Variants in CCNT2 observed in about 807,000 individuals in gnomAD.
CCNT2 encodes cyclin T2.
A neutral mutation model predicts 70.0 loss-of-function variants in CCNT2; 18 were observed. The ratio of observed to expected loss-of-function variants is 0.26; its 90% CI spans 0.18 to 0.38. The LOEUF is 0.38. CCNT2 is among the 10% of genes least tolerant of loss of function. CCNT2 has a pLI of 1.00. For synonymous variants in CCNT2, 334 were observed against 313.3 expected, an observed-to-expected ratio of 1.07 and a Z score of -0.70; for missense variants, 734 against 890.2, an observed-to-expected ratio of 0.82 and a Z score of 2.23.
At chr2:134,919,137 A>G in intron 1 of CCNT2, 125 bp downstream of exon 1, 1 of 1,132,296 alleles carries the variant, frequency 8.8e-7, no homozygotes. Context: ...CGGTCAGGGA[A>G]GTAATGTTCC....
chr2:134,927,140 T>C (rs923091032), intron 2 of CCNT2, among the ~76,000 whole-genome samples: 1 of 152,228 alleles, frequency 6.6e-6, no homozygotes. Context: ...TATTTTTGAT[T>C]GATTTTCTCA....
At chr2:134,936,257 G>A (rs1228334404) in intron 2 of CCNT2, among the ~76,000 whole-genome samples, 2 of 149,062 alleles carry the variant, frequency 1.3e-5, no homozygotes, top group Non-Finnish European at 3.0e-5. Flanking sequence ...AGCATTTTTA[G>A]TATGTTCAGT....
chr2:134,925,167 C>T (rs568099150), intron 2 of CCNT2, among the ~76,000 whole-genome samples: 32 of 152,296 alleles, frequency 2.1e-4, no homozygotes, highest in African/African-American at 7.0e-4. Flanking sequence ...TATTCAATGC[C>T]TGGGTCCTTT....
intron 2 of CCNT2, among the ~76,000 whole-genome samples, chr2:134,922,388 T>C (rs1348968584): frequency 6.6e-6 from 1 of 152,188 alleles, no homozygotes; most frequent in Non-Finnish European, 1.5e-5. Context: ...TATTAAAAGT[T>C]TTAAAACCCC....
intron 3 of CCNT2, among the ~76,000 whole-genome samples, chr2:134,937,640 G>A (rs1163296502): frequency 6.6e-6 from 1 of 152,182 alleles, no homozygotes; most frequent in African/African-American, 2.4e-5. Context: ...TTTCGGCCAG[G>A]CACAGTGGCT....
intron 8 of CCNT2, 73 bp from the exon 9 acceptor site, chr2:134,953,157 C>A: frequency 9.3e-7 from 1 of 1,075,430 alleles, no homozygotes; most frequent in Non-Finnish European, 1.3e-6. Context: ...TAATATATAA[C>A]TTTTATAAGA....
chr2:134,921,326 A>G (rs1679885967), intron 2 of CCNT2, among the ~76,000 whole-genome samples: 1 of 151,720 alleles, frequency 6.6e-6, no homozygotes. Flanking sequence ...TGATCTAGCC[A>G]CAAGTCTTCA....
intron 2 of CCNT2, among the ~76,000 whole-genome samples, chr2:134,921,827 T>C (rs534454014): frequency 2.0e-5 from 3 of 152,344 alleles, no homozygotes; most frequent in African/African-American, 7.2e-5. Flanking sequence ...GGCCAAGGTA[T>C]TAATTTTTTA....
At position 134,957,848 on chromosome 2, in the gene CCNT2, T is replaced by C. The variant is rs1430676913; in HGVS notation, c.*3200T>C. The C allele has an allele frequency of 6.6e-6, 1 of 152,072 alleles. No individual in the cohort carries two copies. Among genetic ancestry groups the C allele is most frequent in the East Asian group, 1.9e-4 (1 of 5,178 alleles). 9.4% of individuals were successfully genotyped at this position (152,072 alleles called of 1,614,324 possible). A position where few individuals can be genotyped will look rare whatever the true frequency, so the allele number is the denominator to read the frequency against. ...CTAACATGATGTATGGTTTCTTGAA[T>C]GTCATGAGTGGCTGCGTATATTGCT... On this transcript the variant is annotated 3_prime_UTR_variant, in exon 9 of 9. Transcript: ENST00000264157.
intron 2 of CCNT2, among the ~76,000 whole-genome samples, chr2:134,921,478 T>A (rs560505213): frequency 1.3e-5 from 2 of 152,232 alleles, no homozygotes; most frequent in East Asian, 1.9e-4. Flanking sequence ...CTCAGCCTCC[T>A]GAGTAGCTGG....
chr2:134,937,974 G>A (rs1013903109), intron 3 of CCNT2, among the ~76,000 whole-genome samples: 3 of 152,048 alleles, frequency 2.0e-5, no homozygotes, highest in African/African-American at 7.2e-5. Flanking sequence ...TTTACCCATT[G>A]AATGACTAAC....
chr2:134,920,055 A>T (rs1235089822), intron 2 of CCNT2, 164 bp downstream of exon 2: 4 of 528,136 alleles, frequency 7.6e-6, no homozygotes, highest in East Asian at 3.3e-5. Flanking sequence ...TTGTGTTTTT[A>T]AAATTTATGA....
At chr2:134,932,240 A>T (rs1042252748) in intron 2 of CCNT2, among the ~76,000 whole-genome samples, 6 of 152,094 alleles carry the variant, frequency 3.9e-5, no homozygotes, top group Non-Finnish European at 7.4e-5. Context: ...ACCTCAGGTG[A>T]TCCGCCCGTC....
At chr2:134,929,296 G>T (rs1443511588) in intron 2 of CCNT2, among the ~76,000 whole-genome samples, 1 of 152,010 alleles carries the variant, frequency 6.6e-6, no homozygotes, top group African/African-American at 2.4e-5. Flanking sequence ...TTTTGTTAGT[G>T]CATGCACACT....
chr2:134,945,080 T>TA, intron 5 of CCNT2: 1 of 985,372 alleles, frequency 1.0e-6, no homozygotes, highest in African/African-American at 1.7e-5. Context: ...ACCAGGAAAG[T>TA]CACACTGCCT....
At chr2:134,935,385 TAGAA>T (rs1204330515) in intron 2 of CCNT2, among the ~76,000 whole-genome samples, 1 of 152,264 alleles carries the variant, frequency 6.6e-6, no homozygotes, top group Admixed American at 6.5e-5. Context: ...GCAGTTGGAC[TAGAA>T]AGGTCCTTTT....
chr2:134,938,183 G>T (rs1392188417), intron 3 of CCNT2, among the ~76,000 whole-genome samples: 1 of 151,986 alleles, frequency 6.6e-6, no homozygotes. Context: ...ATTTCTTGGG[G>T]TACTGTTTAA....
At chr2:134,928,521 G>T (rs1208349981) in intron 2 of CCNT2, among the ~76,000 whole-genome samples, 1 of 150,922 alleles carries the variant, frequency 6.6e-6, no homozygotes, top group African/African-American at 2.4e-5. Context: ...CAGGTGATCC[G>T]CCCGCCTCAG....
chr2:134,931,346 T>G (rs945908760), intron 2 of CCNT2, among the ~76,000 whole-genome samples: 9 of 146,286 alleles, frequency 6.2e-5, no homozygotes, highest in African/African-American at 2.3e-4. Flanking sequence ...TTTCTCCCAC[T>G]GAATTTTCTT....
Sources: gnomAD v4.1 joint callset for allele counts (sites outside exome capture counted in the v4.1 genomes callset) on GRCh38, gnomAD v4.1.1 for gene constraint, MANE v1.5 for transcripts, NCBI Gene and HGNC (gene_info 2026-07-23, HGNC 2026-07-21) for gene names.